Variants in NME2 observed in about 807,000 individuals in gnomAD.
NME2 encodes the protein nucleoside diphosphate kinase B.
Under a neutral mutation model 17.8 loss-of-function variants are expected in NME2, and 18 were observed. That is an observed-to-expected ratio of 1.01 (90% CI 0.70 to 1.50). The LOEUF is 1.50. Among genes scored for constraint, NME2 ranks in the 40% most tolerant of loss-of-function variants. The pLI is 0.00. For missense variants in NME2, 161 were observed against 195.6 expected, an observed-to-expected ratio of 0.82 and a Z score of 1.05; for synonymous variants, 74 against 71.4, an observed-to-expected ratio of 1.04 and a Z score of -0.19.
At position 51,166,817 on chromosome 17, in the gene NME2, C is replaced by A; in HGVS notation, c.-4-10C>A. The A allele has an allele frequency of 6.2e-7, 1 of 1,607,170 alleles. No homozygotes were observed. The highest frequency in any genetic ancestry group is 1.3e-5 in the African/African-American group (1 of 74,686). On this transcript the variant is annotated splice_polypyrimidine_tract_variant and intron_variant, in intron 1 of 4. Transcript: ENST00000512737. ...GCGCCCGGGCCCTGACCGCACCTCT[C>A]GCCCCGCAGGACCATGGCCAACCTG...
chr17:51,167,805 CCT>C (rs1301259288), intron 2 of NME2, among the ~76,000 whole-genome samples: 1 of 152,042 alleles, frequency 6.6e-6, no homozygotes, highest in Non-Finnish European at 1.5e-5. Context: ...ATAGCAAGCC[CCT>C]GTCTCTACAA....
upstream of NME2, among the ~76,000 whole-genome samples, chr17:51,166,113 TTCTGTG>T (rs1184927000): frequency 9.9e-6 from 1 of 101,360 alleles, no homozygotes; most frequent in African/African-American, 4.6e-5. Context: ...CAGGAGCAGG[TTCTGTG>T]TGTGTGTGTG....
At chr17:51,165,564 A>G (rs892771003), upstream of NME2, 1 of 152,384 alleles carries the variant, frequency 6.6e-6, no homozygotes, top group African/African-American at 2.4e-5. Context: ...CACTGCAAGT[A>G]GGAAGTGTCT....
intron 1 of NME2, 76 bp from the exon 2 acceptor site, chr17:51,166,751 C>T (rs988600003): frequency 2.8e-6 from 4 of 1,424,716 alleles, no homozygotes; most frequent in African/African-American, 1.5e-5. Flanking sequence ...GAGGAGGGAC[C>T]GGCGGCGCCC....
At chr17:51,170,144 T>G (rs1361799974) in intron 4 of NME2, 95 bp downstream of exon 4, 1 of 424,702 alleles carries the variant, frequency 2.4e-6, no homozygotes, top group African/African-American at 6.4e-5. Context: ...TCTGTGCCCT[T>G]TTTTTTTTTT....
intron 2 of NME2, among the ~76,000 whole-genome samples, chr17:51,167,865 C>G (rs1188425446): frequency 6.6e-6 from 1 of 152,102 alleles, no homozygotes; most frequent in Non-Finnish European, 1.5e-5. Flanking sequence ...TTGAGTGCAT[C>G]TGTAGTTCCA....
In NME2 at chr17:51,171,470, ATTG is replaced by A; in HGVS notation, c.342-14_342-12del. 1 of 1,609,802 alleles carries A rather than the reference ATTG, an allele frequency of 6.2e-7. No homozygotes were observed. Among genetic ancestry groups the A allele is most frequent in the Non-Finnish European group, 8.5e-7 (1 of 1,176,560 alleles). ...GCACTTTAAAACATGGCAACTTGTA[ATTG>A]TTTTCTTTCTTAGGAACATCATTCA... is the stretch of plus-strand genomic sequence containing the variant. On this transcript the variant is annotated splice_polypyrimidine_tract_variant and intron_variant, in intron 4 of 4. Transcript: ENST00000512737.
chr17:51,168,799 C>T (rs9907389), intron 3 of NME2, among the ~76,000 whole-genome samples: 8,929 of 151,640 alleles, frequency 0.059, 459 homozygotes, highest in African/African-American at 0.13. Context: ...AATCCCAGCG[C>T]TTTGGAAGGC....
In NME2 at chr17:51,166,866, G is replaced by A; in HGVS notation, c.36G>A (p.Lys12=). 6.2e-7 allele frequency: 1 copy of A among 1,613,660 alleles called. No individual in the cohort carries two copies. The highest frequency in any genetic ancestry group is 8.5e-7 in the Non-Finnish European group (1 of 1,179,790). ...ANLERTFIAI[K]PDGVQRGLVG... ...TGGAGCGCACCTTCATCGCCATCAA[G>A]CCGGACGGCGTGCAGCGCGGCCTGG... Residue 12 remains lysine, a synonymous_variant, in exon 2 of 5, where the codon AAG becomes AAA. Coordinates refer to ENST00000512737, the MANE Select transcript of NME2 (RefSeq NM_002512.4).
At chr17:51,167,099 C>G in intron 2 of NME2, 143 bp downstream of exon 2, 2 of 1,521,864 alleles carry the variant, frequency 1.3e-6, no homozygotes, top group Non-Finnish European at 1.8e-6. Flanking sequence ...CCCACGGCGG[C>G]TTGGGCCCGC....
At chr17:51,169,360 T>A (rs1188014877) in intron 3 of NME2, 1 of 151,430 alleles carries the variant, frequency 6.6e-6, no homozygotes, top group South Asian at 2.1e-4. Context: ...GGAGAATTGC[T>A]TGAAACTGGG....
intron 4 of NME2, among the ~76,000 whole-genome samples, chr17:51,170,942 G>A (rs1482946873): frequency 6.6e-6 from 1 of 152,186 alleles, no homozygotes; most frequent in Non-Finnish European, 1.5e-5. Flanking sequence ...ACATCCATGA[G>A]TACTTTGTCC....
At chr17:51,171,060 CA>C (rs1170414997) in intron 4 of NME2, among the ~76,000 whole-genome samples, 2 of 152,100 alleles carry the variant, frequency 1.3e-5, no homozygotes, top group East Asian at 3.8e-4. Context: ...TATTAATAAG[CA>C]GTGTTATGTC....
intron 1 of NME2, 52 bp from the exon 2 acceptor site, chr17:51,166,775 G>T: frequency 6.6e-7 from 1 of 1,514,066 alleles, no homozygotes; most frequent in South Asian, 1.2e-5. Context: ...TGGCCTCCGC[G>T]GGCCCCGCCA....
chr17:51,168,269 T>C lies in NME2; in HGVS notation c.154T>C (p.Tyr52His). 1.2e-6 allele frequency: 2 copies of C among 1,613,982 alleles called. No individual in the cohort carries two copies. Among genetic ancestry groups the C allele is most frequent in the Non-Finnish European group, 1.7e-6 (2 of 1,179,914 alleles). The change falls in exon 3 of 5, where the codon TAC becomes CAC. Residue 52 changes from tyrosine to histidine, a missense_variant. Coordinates refer to ENST00000512737, the MANE Select transcript of NME2 (RefSeq NM_002512.4). Reference sequence around the variant, plus strand: ...CTCTGAAGAACACCTGAAGCAGCACTACATTGACCTGAAAGACCGACCATT... The same window carrying C: ...CTCTGAAGAACACCTGAAGCAGCACCACATTGACCTGAAAGACCGACCATT... ...RASEEHLKQH[Y>H]IDLKDRPFFP...
Position 51,168,246 on chromosome 17 carries a change from C to T in NME2, c.131C>T (p.Ser44Phe). Residue 44 changes from serine to phenylalanine, a missense_variant, in exon 3 of 5, where the codon TCT (serine) becomes TTT (phenylalanine). Ser to Phe is a radical substitution (Grantham distance 155). Coordinates refer to ENST00000512737, the MANE Select transcript of NME2 (RefSeq NM_002512.4). Reference protein sequence around the residue: ...RLVAMKFLRASEEHLKQHYID... With the variant: ...RLVAMKFLRAFEEHLKQHYID... The stretch of plus-strand genomic sequence containing the variant: ...GTGCCTCCTCTCCAATGCCAGGCCT[C>T]TGAAGAACACCTGAAGCAGCACTAC... The T allele has an allele frequency of 6.2e-7, 1 of 1,613,790 alleles. No individual in the cohort carries two copies. Among genetic ancestry groups the T allele is most frequent in the Non-Finnish European group, 8.5e-7 (1 of 1,179,798 alleles).
intron 2 of NME2, 58 bp downstream of exon 2, chr17:51,167,014 C>T: frequency 1.2e-6 from 2 of 1,608,448 alleles, no homozygotes; most frequent in Admixed American, 1.7e-5. Flanking sequence ...GTTTTTCCCT[C>T]CCGGCGGCGG....
At position 51,168,264 on chromosome 17, in the gene NME2, A is replaced by G. The variant is rs905011088; in HGVS notation, c.149A>G (p.Gln50Arg). The change falls in exon 3 of 5, where the codon CAG becomes CGG. Residue 50 changes from glutamine (Q) to arginine (R), a missense_variant. Coordinates refer to ENST00000512737, the MANE Select transcript of NME2 (RefSeq NM_002512.4). Reference protein sequence around the residue: ...FLRASEEHLKQHYIDLKDRPF... With the variant: ...FLRASEEHLKRHYIDLKDRPF... ...CAGGCCTCTGAAGAACACCTGAAGC[A>G]GCACTACATTGACCTGAAAGACCGA... The G allele has an allele frequency of 2.5e-6, 4 of 1,613,988 alleles. No individual in the cohort carries two copies. In the Admixed American group the frequency reaches 5.0e-5, roughly 20 times the overall value.
chr17:51,166,806 ACCGCACCT>A lies in NME2; in HGVS notation c.-4-19_-4-12del. The A allele has an allele frequency of 6.3e-6, 10 of 1,598,188 alleles. No individual in the cohort carries two copies. Among genetic ancestry groups the A allele is most frequent in the Non-Finnish European group, 7.7e-6 (9 of 1,173,388 alleles). ...CGCCAGAGCCTGCGCCCGGGCCCTG[ACCGCACCT>A]CTCGCCCCGCAGGACCATGGCCAAC... On this transcript the variant is annotated splice_polypyrimidine_tract_variant and intron_variant, in intron 1 of 4. Coordinates refer to ENST00000512737, the MANE Select transcript of NME2 (RefSeq NM_002512.4).
Sources: gnomAD v4.1 joint callset for allele counts (sites outside exome capture counted in the v4.1 genomes callset) on GRCh38, gnomAD v4.1.1 for gene constraint, MANE v1.5 for transcripts, NCBI Gene and HGNC (gene_info 2026-07-23, HGNC 2026-07-21) for gene names.